Variants in KCNH5 observed in about 807,000 individuals in gnomAD.
The protein encoded by KCNH5 is potassium voltage-gated channel subfamily H member 5.
Under a neutral mutation model 96.1 loss-of-function variants are expected in KCNH5, and 46 were observed. The ratio of observed to expected loss-of-function variants is 0.48; its 90% CI spans 0.38 to 0.61. KCNH5 has a LOEUF of 0.61. Among genes scored for constraint, KCNH5 ranks in the 20% least tolerant of loss-of-function variants. The pLI is 0.00. For missense variants in KCNH5, 907 were observed against 1,225.8 expected (o/e 0.74, Z 3.88); for synonymous variants, 439 against 449.8 (o/e 0.98, Z 0.30).
chr14:62,788,374 ACGG>A (rs1886363091), intron 9 of KCNH5, among the ~76,000 whole-genome samples: 4 of 152,178 alleles, frequency 2.6e-5, no homozygotes, highest in Non-Finnish European at 4.4e-5. Flanking sequence ...GTTGCTACTT[ACGG>A]ATGAGCAAAG....
chr14:62,915,538 C>A (rs1889257099), intron 7 of KCNH5, among the ~76,000 whole-genome samples: 1 of 152,170 alleles, frequency 6.6e-6, no homozygotes, highest in Non-Finnish European at 1.5e-5. Context: ...AATTATTTAT[C>A]TTCTGCACTC....
rs530518229 is a variant in KCNH5 at position 62,875,361 on chromosome 14, C to G, written c.1370-25509G>C. Among the ~76,000 whole-genome samples the G allele has an allele frequency of 2.4e-4, 37 of 152,046 alleles. 2 individuals carry two copies. The highest frequency in any genetic ancestry group is 7.7e-4 in the African/African-American group (32 of 41,484). ...ACCTACTTTAAAGTTCATATGGAACCAAAAAAGAGCCCGCATCGCCAAGTC... is the reference window on the plus strand; with the variant it reads ...ACCTACTTTAAAGTTCATATGGAACGAAAAAAGAGCCCGCATCGCCAAGTC... On this transcript the variant is annotated intron_variant, in intron 7 of 10. Transcript: ENST00000322893.
rs556452077 is a variant in KCNH5, at chr14:62,802,212, A to T, written c.1822+117T>A. Reference sequence around the variant, plus strand: ...TTTTCATTAAGATTCACGTCTCATTAGTGACCCAATTTCCAAAGTTACCAA... The same window carrying T: ...TTTTCATTAAGATTCACGTCTCATTTGTGACCCAATTTCCAAAGTTACCAA... On this transcript the variant is annotated intron_variant, in intron 9 of 10. Transcript: ENST00000322893. 16 of 941,522 alleles carry T rather than the reference A, an allele frequency of 1.7e-5. No homozygotes were observed. The South Asian group carries it at 2.5e-4, about 15-fold the overall frequency. The allele number at this position is 941,522 out of a possible 1,614,324, so 58.3% of individuals were successfully genotyped here.
At chr14:62,819,263 G>A (rs887660089) in intron 8 of KCNH5, among the ~76,000 whole-genome samples, 9 of 152,104 alleles carry the variant, frequency 5.9e-5, no homozygotes, top group African/African-American at 1.9e-4. Context: ...CACCGTGCCT[G>A]GCCAAGAATA....
At chr14:62,740,374 C>G (rs1007607242) in intron 10 of KCNH5, among the ~76,000 whole-genome samples, 2 of 152,184 alleles carry the variant, frequency 1.3e-5, no homozygotes, top group Non-Finnish European at 2.9e-5. Context: ...AATCACTTCT[C>G]TGGCCTAGGT....
chr14:62,973,155 T>C (rs915792982), intron 6 of KCNH5, among the ~76,000 whole-genome samples: 1 of 152,174 alleles, frequency 6.6e-6, no homozygotes, highest in Non-Finnish European at 1.5e-5. Context: ...TCAATTTTGC[T>C]ACAAACCTAA....
chr14:63,021,178 A>G (rs1404551182), intron 1 of KCNH5, among the ~76,000 whole-genome samples: 1 of 152,002 alleles, frequency 6.6e-6, no homozygotes, highest in African/African-American at 2.4e-5. Flanking sequence ...AACTCATTCC[A>G]ATGTTCAGTC....
At chr14:62,991,982 C>T (rs938983218) in intron 4 of KCNH5, among the ~76,000 whole-genome samples, 9 of 151,940 alleles carry the variant, frequency 5.9e-5, no homozygotes, top group African/African-American at 2.2e-4. Context: ...CTCTCCCACG[C>T]CTTCACCCTC....
At chr14:62,725,245 A>G (rs1450090559) in intron 10 of KCNH5, among the ~76,000 whole-genome samples, 1 of 152,212 alleles carries the variant, frequency 6.6e-6, no homozygotes, top group Non-Finnish European at 1.5e-5. Context: ...ATTGAAATTT[A>G]AAAAGAAAGA....
intron 7 of KCNH5, among the ~76,000 whole-genome samples, chr14:62,885,027 T>A (rs933849057): frequency 6.6e-6 from 1 of 152,204 alleles, no homozygotes; most frequent in Non-Finnish European, 1.5e-5. Context: ...CAGTACTCTA[T>A]AAAAGAAGTA....
In KCNH5 at chr14:62,924,953, A is replaced by T. The variant is rs566414953; in HGVS notation, c.1369+25180T>A. On this transcript the variant is annotated intron_variant, in intron 7 of 10. Transcript: ENST00000322893. ...TTTGCTAAGAAAGTAGATCTTAAGT[A>T]TTCTTACCACACACATAAACATAAA... 7.9e-5 allele frequency among the ~76,000 whole-genome samples: 12 copies of T among 152,122 alleles called. No homozygotes were observed. The South Asian group carries it at 2.5e-3, about 32-fold the overall frequency.
chr14:62,799,783 T>TATATTTAATATATTATATATTTA (rs1886620833), intron 9 of KCNH5, among the ~76,000 whole-genome samples: 1 of 139,454 alleles, frequency 7.2e-6, no homozygotes, highest in African/African-American at 2.6e-5. Context: ...TAATATTTTA[T>TATATTTAATATATTATATATTTA]ATATTTAATA....
At chr14:62,812,258 A>G (rs1457262490) in intron 8 of KCNH5, among the ~76,000 whole-genome samples, 2 of 152,164 alleles carry the variant, frequency 1.3e-5, no homozygotes, top group African/African-American at 2.4e-5. Flanking sequence ...TTATTAGGAA[A>G]CCATAAATGC....
chr14:63,023,202 CAA>C (rs570430845), intron 1 of KCNH5, among the ~76,000 whole-genome samples: 9 of 130,992 alleles, frequency 6.9e-5, no homozygotes, highest in South Asian at 2.4e-4. Flanking sequence ...GACTACATCT[CAA>C]AAAAAAAAAA....
chr14:62,965,190 TTGCA>T (rs1890283475), intron 6 of KCNH5, among the ~76,000 whole-genome samples: 1 of 152,076 alleles, frequency 6.6e-6, no homozygotes. Flanking sequence ...TTGCTGTAGT[TTGCA>T]TGTGGTTTGT....
intron 7 of KCNH5, among the ~76,000 whole-genome samples, chr14:62,852,700 T>A (rs1243330721): frequency 2.0e-5 from 3 of 152,172 alleles, no homozygotes; most frequent in Non-Finnish European, 4.4e-5. Flanking sequence ...TTTACATATA[T>A]TTTTAAAAAG....
At chr14:62,875,224 C>T (rs1255378626) in intron 7 of KCNH5, among the ~76,000 whole-genome samples, 2 of 151,006 alleles carry the variant, frequency 1.3e-5, no homozygotes, top group African/African-American at 4.9e-5. Flanking sequence ...ATTCCATGCT[C>T]ATGGGTAGGA....
chr14:62,926,689 C>T (rs1889482392), intron 7 of KCNH5, among the ~76,000 whole-genome samples: 1 of 152,098 alleles, frequency 6.6e-6, no homozygotes, highest in South Asian at 2.1e-4. Context: ...GTCCTGTTGT[C>T]TCTCCCTCTT....
At position 62,703,857 on chromosome 14, in the gene KCNH5, T is replaced by C. The variant is rs1884384637; in HGVS notation, c.*3651A>G. 6.6e-6 allele frequency: 1 copy of C among 151,826 alleles called. No individual in the cohort carries two copies. 9.4% of individuals were successfully genotyped at this position (151,826 alleles called of 1,614,324 possible). On this transcript the variant is annotated 3_prime_UTR_variant, in exon 11 of 11. Transcript: ENST00000322893. ...AGAAAATTGCTTAAAAGATAAAAAT[T>C]ATACAAGATAGTGGAATTCATTAGA...
Sources: allele counts gnomAD v4.1 joint callset (sites outside exome capture counted in the v4.1 genomes callset), GRCh38; gene constraint gnomAD v4.1.1; transcripts MANE v1.5; gene names NCBI Gene and HGNC (gene_info 2026-07-23, HGNC 2026-07-21).